CCDC149: variants seen among roughly 807,000 people sequenced by gnomAD.
CCDC149 encodes coiled-coil domain containing 149.
Under a neutral mutation model 59.9 loss-of-function variants are expected in CCDC149, and 45 were observed. That is an observed-to-expected ratio of 0.75 (90% confidence interval 0.59 to 0.96). CCDC149 has a LOEUF of 0.96. CCDC149 is among the 40% of genes least tolerant of loss of function. The probability of loss-of-function intolerance (pLI) is 0.00; values close to 1 mark genes in which losing one functional copy is unlikely to be tolerated. For missense variants in CCDC149, 584 were observed against 664.7 expected, an observed-to-expected ratio of 0.88 and a Z score of 1.33; for synonymous variants, 245 against 260.6, an observed-to-expected ratio of 0.94 and a Z score of 0.58.
intron 9 of CCDC149, chr4:24,822,937 AT>A (rs1445440771): frequency 6.3e-6 from 1 of 159,572 alleles, no homozygotes; most frequent in Admixed American, 6.4e-5. Context: ...CCTTAATAAT[AT>A]CACATCTTGA....
chr4:24,900,035 C>T (rs1721077182), intron 1 of CCDC149, among the ~76,000 whole-genome samples: 2 of 152,184 alleles, frequency 1.3e-5, no homozygotes, highest in Admixed American at 6.5e-5. Flanking sequence ...GGCCCAGGTG[C>T]CACCTCCATT....
chr4:24,813,078 G>C (rs1424405494), intron 12 of CCDC149, among the ~76,000 whole-genome samples: 2 of 152,082 alleles, frequency 1.3e-5, no homozygotes, highest in Non-Finnish European at 2.9e-5. Context: ...GCCTTTGGGA[G>C]GTACTCAGGG....
intron 1 of CCDC149, among the ~76,000 whole-genome samples, chr4:24,889,478 G>A (rs911247985): frequency 6.6e-6 from 1 of 152,192 alleles, no homozygotes; most frequent in Non-Finnish European, 1.5e-5. Context: ...TTGTTTCAGA[G>A]ATTGTGTATA....
chr4:24,813,502 A>C (rs867887829), intron 12 of CCDC149, among the ~76,000 whole-genome samples: 36 of 37,256 alleles, frequency 9.7e-4, no homozygotes, highest in African/African-American at 3.8e-3. Flanking sequence ...ATATATATAT[A>C]TATATATATA....
chr4:24,861,003 C>A (rs1454220713), intron 3 of CCDC149, among the ~76,000 whole-genome samples: 1 of 152,106 alleles, frequency 6.6e-6, no homozygotes, highest in Non-Finnish European at 1.5e-5. Flanking sequence ...AACACTTTTA[C>A]ACTGCTGGTG....
chr4:24,979,707 C>T (rs371513040), intron 1 of CCDC149, among the ~76,000 whole-genome samples: 107 of 152,190 alleles, frequency 7.0e-4, no homozygotes, highest in African/African-American at 2.2e-3. Context: ...CAGAGTGCAA[C>T]GGAAAGAAAA....
intron 4 of CCDC149, among the ~76,000 whole-genome samples, chr4:24,848,567 C>CAAAT (rs565762293): frequency 0.13 from 19,311 of 150,286 alleles, 1,362 homozygotes; most frequent in African/African-American, 0.16. Context: ...GACTCCATCT[C>CAAAT]AAATAAATAA....
At chr4:24,915,021 G>A (rs1364885993), upstream of CCDC149, among the ~76,000 whole-genome samples, 1 of 152,186 alleles carries the variant, frequency 6.6e-6, no homozygotes. Context: ...TGCAAACTAA[G>A]GTGCTAGAGA....
At chr4:24,824,313 T>C (rs1715586796) in intron 9 of CCDC149, among the ~76,000 whole-genome samples, 1 of 152,202 alleles carries the variant, frequency 6.6e-6, no homozygotes, top group African/African-American at 2.4e-5. Flanking sequence ...TTGACACTTA[T>C]CAGCATCTGA....
chr4:24,954,535 C>A (rs1473979924), intron 1 of CCDC149, among the ~76,000 whole-genome samples: 1 of 152,224 alleles, frequency 6.6e-6, no homozygotes, highest in African/African-American at 2.4e-5. Context: ...CATGTGGATG[C>A]CACCAAAGTT....
At chr4:24,856,470 CAGA>C (rs1426408119) in intron 3 of CCDC149, among the ~76,000 whole-genome samples, 1 of 152,154 alleles carries the variant, frequency 6.6e-6, no homozygotes, top group Non-Finnish European at 1.5e-5. Context: ...GAAAGGGCCG[CAGA>C]AGGTTTCACT....
intron 3 of CCDC149, among the ~76,000 whole-genome samples, chr4:24,855,423 A>G (rs1294932153): frequency 6.6e-6 from 1 of 152,088 alleles, no homozygotes; most frequent in Non-Finnish European, 1.5e-5. Flanking sequence ...GAAATTAGCC[A>G]GGCATAGTAG....
chr4:24,911,070 A>G (rs549088863), intron 1 of CCDC149, among the ~76,000 whole-genome samples: 102 of 152,140 alleles, frequency 6.7e-4, no homozygotes, highest in Non-Finnish European at 1.3e-3. Flanking sequence ...TGAAGGACCT[A>G]CTTCAGGATT....
chr4:24,883,944 C>T (rs995208918), intron 1 of CCDC149, among the ~76,000 whole-genome samples: 2 of 152,168 alleles, frequency 1.3e-5, no homozygotes, highest in Non-Finnish European at 2.9e-5. Context: ...TTTTACTATT[C>T]TACATTGGCA....
At chr4:24,956,313 T>A (rs1358482243) in intron 1 of CCDC149, among the ~76,000 whole-genome samples, 1 of 152,116 alleles carries the variant, frequency 6.6e-6, no homozygotes, top group East Asian at 1.9e-4. Context: ...TGACCCTCTA[T>A]TAACATATGT....
At chr4:24,819,661 G>C (rs1715239216) in intron 12 of CCDC149, among the ~76,000 whole-genome samples, 198 bp downstream of exon 12, 2 of 152,184 alleles carry the variant, frequency 1.3e-5, no homozygotes, top group South Asian at 2.1e-4. Context: ...CATGCCTAGA[G>C]AGCAGGGGCC....
chr4:24,874,270 T>G (rs9714958), intron 2 of CCDC149, among the ~76,000 whole-genome samples: 588 of 45,270 alleles, frequency 0.013, 13 homozygotes, highest in Admixed American at 0.02. Context: ...GTTTTGTTTT[T>G]TTTTGTTTTT....
intron 1 of CCDC149, among the ~76,000 whole-genome samples, chr4:24,979,107 T>A (rs774753016): frequency 4.6e-5 from 7 of 152,198 alleles, no homozygotes; most frequent in Non-Finnish European, 7.3e-5. Flanking sequence ...GAGGCCACCA[T>A]GGGGGACATG....
chr4:24,803,571 T>C (rs1218581412), downstream of CCDC149, among the ~76,000 whole-genome samples: 3 of 152,238 alleles, frequency 2.0e-5, no homozygotes, highest in East Asian at 5.8e-4. This position sits in a 1 kb window ranked among gnomAD's most constrained non-coding sequence, Gnocchi z 4.3. Flanking sequence ...ATAGTTATGA[T>C]ATACAATGAC....
Sources: allele counts gnomAD v4.1 joint callset (sites outside exome capture counted in the v4.1 genomes callset), GRCh38; gene constraint gnomAD v4.1.1; non-coding constraint Gnocchi (gnomAD v3.1); transcripts MANE v1.5; gene names NCBI Gene and HGNC (gene_info 2026-07-23, HGNC 2026-07-21).